Variants in CFAP210 observed in about 807,000 individuals in gnomAD.
The protein encoded by CFAP210 is cilia and flagella associated protein 210, also known as cilia- and flagella- associated protein 210.
the CFAP210 span, chr2:169,646,092 C>G: frequency 6.2e-7 from 1 of 1,613,682 alleles, no homozygotes; most frequent in South Asian, 1.1e-5. Context: ...TCCTGAAATT[C>G]TTTCTCCTTT....
At chr2:169,676,991 C>G in the CFAP210 span, among the ~76,000 whole-genome samples, 1 of 152,160 alleles carries the variant, frequency 6.6e-6, no homozygotes, top group African/African-American at 2.4e-5. Flanking sequence ...GACACCTCCC[C>G]ATTTCAAAGA....
chr2:169,650,734 C>CTGTGTGTG, the CFAP210 span, among the ~76,000 whole-genome samples: 5,903 of 147,110 alleles, frequency 0.04, 154 homozygotes, highest in East Asian at 0.081. Flanking sequence ...TATGTATAAT[C>CTGTGTGTG]TGTGTGTGTG....
chr2:169,692,754 T>C, the CFAP210 span, among the ~76,000 whole-genome samples: 1 of 152,120 alleles, frequency 6.6e-6, no homozygotes. Flanking sequence ...GCCTCATGAG[T>C]GAGATTTTCC....
chr2:169,647,299 G>GC, the CFAP210 span, among the ~76,000 whole-genome samples: 1 of 152,038 alleles, frequency 6.6e-6, no homozygotes, highest in Admixed American at 6.6e-5. Flanking sequence ...AATATTGAGG[G>GC]AACAGAAAGA....
chr2:169,657,541 A>C, the CFAP210 span, among the ~76,000 whole-genome samples: 2 of 152,118 alleles, frequency 1.3e-5, no homozygotes, highest in Admixed American at 1.3e-4. Context: ...AACATGGCGA[A>C]ACCCTGTCTC....
chr2:169,684,529 G>A, the CFAP210 span, among the ~76,000 whole-genome samples: 2 of 152,220 alleles, frequency 1.3e-5, no homozygotes, highest in African/African-American at 4.8e-5. Flanking sequence ...GCCCATTGGA[G>A]ACATTTCATG....
At chr2:169,646,597 A>G in the CFAP210 span, among the ~76,000 whole-genome samples, 3 of 152,174 alleles carry the variant, frequency 2.0e-5, no homozygotes, top group African/African-American at 7.2e-5. Flanking sequence ...CCAATATACT[A>G]TGTCCCCAGC....
the CFAP210 span, among the ~76,000 whole-genome samples, chr2:169,692,437 G>GGCGC: frequency 9.6e-6 from 1 of 104,322 alleles, no homozygotes; most frequent in Non-Finnish European, 2.0e-5. Context: ...GAGGGCAACA[G>GGCGC]GCGCACGCAC....
At chr2:169,653,522 T>TA in the CFAP210 span, among the ~76,000 whole-genome samples, 1 of 152,032 alleles carries the variant, frequency 6.6e-6, no homozygotes, top group Non-Finnish European at 1.5e-5. Flanking sequence ...CTCCTACTCT[T>TA]ACCTCTACAC....
the CFAP210 span, among the ~76,000 whole-genome samples, chr2:169,679,542 A>G: frequency 1.3e-5 from 2 of 152,070 alleles, no homozygotes; most frequent in East Asian, 1.9e-4. Flanking sequence ...TTAGCCAGGC[A>G]TGGTTGCAGA....
the CFAP210 span, among the ~76,000 whole-genome samples, chr2:169,666,501 C>A: frequency 6.6e-6 from 1 of 151,188 alleles, no homozygotes; most frequent in South Asian, 2.1e-4. Context: ...TGAGGTATGC[C>A]TGTACTTTAT....
chr2:169,687,402 C>T, the CFAP210 span, among the ~76,000 whole-genome samples: 1 of 152,222 alleles, frequency 6.6e-6, no homozygotes, highest in African/African-American at 2.4e-5. Context: ...AAGCTAGTTA[C>T]TTCCTAGATA....
At chr2:169,692,656 T>C in the CFAP210 span, among the ~76,000 whole-genome samples, 1 of 152,240 alleles carries the variant, frequency 6.6e-6, no homozygotes, top group South Asian at 2.1e-4. Flanking sequence ...TTCCCACACA[T>C]GCCTCTGATA....
the CFAP210 span, among the ~76,000 whole-genome samples, chr2:169,651,384 CTA>C: frequency 2.0e-5 from 3 of 151,394 alleles, no homozygotes; most frequent in South Asian, 2.1e-4. Context: ...GAGTGAGACT[CTA>C]TTAAAAAAAA....
the CFAP210 span, chr2:169,660,920 T>C: frequency 2.3e-6 from 1 of 440,360 alleles, no homozygotes; most frequent in Non-Finnish European, 4.4e-6. Context: ...ACATTATTAA[T>C]CCTTATACAA....
the CFAP210 span, among the ~76,000 whole-genome samples, chr2:169,683,837 A>G: frequency 6.6e-6 from 1 of 152,184 alleles, no homozygotes; most frequent in Non-Finnish European, 1.5e-5. Flanking sequence ...GAACAGCCAC[A>G]AATGTGGGAA....
the CFAP210 span, among the ~76,000 whole-genome samples, chr2:169,647,013 ATATC>A: frequency 6.6e-6 from 1 of 152,152 alleles, no homozygotes; most frequent in Non-Finnish European, 1.5e-5. Context: ...CCCAAACCTG[ATATC>A]TATCATAAAT....
the CFAP210 span, among the ~76,000 whole-genome samples, chr2:169,663,071 C>T: frequency 1.3e-5 from 2 of 152,202 alleles, no homozygotes; most frequent in Non-Finnish European, 2.9e-5. Context: ...AACCCCACCA[C>T]TATCGCTACC....
chr2:169,667,288 G>A, the CFAP210 span, among the ~76,000 whole-genome samples: 361 of 151,894 alleles, frequency 2.4e-3, 2 homozygotes, highest in African/African-American at 8.1e-3. Context: ...ACAGGTGCCC[G>A]CCACCATGCC....
Sources: allele counts gnomAD v4.1 joint callset (sites outside exome capture counted in the v4.1 genomes callset), GRCh38; gene constraint gnomAD v4.1.1; transcripts MANE v1.5; gene names NCBI Gene and HGNC (gene_info 2026-07-23, HGNC 2026-07-21).